Variants in FBXO45 observed in about 807,000 individuals in gnomAD.
FBXO45 encodes F-box/SPRY domain-containing protein 1.
FBXO45 carries 3 observed loss-of-function variants against 25.5 expected under a neutral mutation model. The ratio of observed to expected loss-of-function variants is 0.12; its 90% CI spans 0.05 to 0.30. The LOEUF (loss-of-function observed/expected upper bound fraction) is 0.30. FBXO45 is among the 10% of genes least tolerant of loss of function. The pLI is 1.00. For missense variants in FBXO45, 219 were observed against 365.0 expected, an observed-to-expected ratio of 0.60 and a Z score of 3.26; for synonymous variants, 155 against 149.8, an observed-to-expected ratio of 1.03 and a Z score of -0.25.
At chr3:196,582,437 G>C (rs1468861071) in intron 2 of FBXO45, among the ~76,000 whole-genome samples, 3 of 152,122 alleles carry the variant, frequency 2.0e-5, no homozygotes, top group Non-Finnish European at 4.4e-5. Context: ...TGGGCAAAGG[G>C]AGGAAAAAAG....
At position 196,585,468 on chromosome 3, in the gene FBXO45, A is replaced by G. The variant is rs557132058; in HGVS notation, c.*1150A>G. The stretch of plus-strand genomic sequence containing the variant: ...CTCAAACTCGTTATTGGGGCTATAA[A>G]GAAAACGTTTACTTACCCAGCTGAA... On this transcript the variant is annotated 3_prime_UTR_variant, in exon 3 of 3. Transcript: ENST00000311630. 2.6e-5 allele frequency: 4 copies of G among 152,348 alleles called. No homozygotes were observed. The South Asian group carries it at 6.2e-4, about 24-fold the overall frequency. The allele number at this position is 152,348 out of a possible 1,614,324, so 9.4% of individuals were successfully genotyped here. A position where few individuals can be genotyped will look rare whatever the true frequency, so the allele number is the denominator to read the frequency against.
intron 1 of FBXO45, among the ~76,000 whole-genome samples, chr3:196,574,122 A>G (rs890340760): frequency 9.2e-5 from 14 of 151,694 alleles, no homozygotes; most frequent in Admixed American, 6.6e-5. Context: ...TTTAGTAGAG[A>G]CAGGCTTTCA....
At chr3:196,579,947 C>G (rs146993786) in intron 2 of FBXO45, among the ~76,000 whole-genome samples, 1 of 152,170 alleles carries the variant, frequency 6.6e-6, no homozygotes, top group African/African-American at 2.4e-5. Context: ...AGCTCCTACA[C>G]AGCACATAGT....
Position 196,577,670 on chromosome 3 carries a change from C to T in FBXO45, c.536C>T (p.Pro179Leu). The change falls in exon 2 of 3, where the codon CCC becomes CTC. Residue 179 changes from proline to leucine, a missense_variant. Pro to Leu is a moderately conservative substitution (Grantham distance 98). Coordinates refer to ENST00000311630, the MANE Select transcript of FBXO45 (RefSeq NM_001105573.2). The stretch of plus-strand genomic sequence containing the variant: ...ATTGGAATTGCCACAAAACGGGCCC[C>T]CATGCAGTGCCAAGGTTATGTGGCA... The part of the protein sequence containing the change: ...AVIGIATKRA[P>L]MQCQGYVALL... 2 of 1,613,790 alleles carry T rather than the reference C, an allele frequency of 1.2e-6. No individual in the cohort carries two copies. The highest frequency in any genetic ancestry group is 1.7e-6 in the Non-Finnish European group (2 of 1,179,788).
chr3:196,585,611 G>A lies in FBXO45; in HGVS notation c.*1293G>A, dbSNP rs1044170767. On this transcript the variant is annotated 3_prime_UTR_variant, in exon 3 of 3. Coordinates refer to ENST00000311630, the MANE Select transcript of FBXO45 (RefSeq NM_001105573.2). ...TATTTGAAGGTTTCGTTGTAGAAGA[G>A]TTTAACATTAACTCCTATTTTGACT... 3 of 152,154 alleles carry A rather than the reference G, an allele frequency of 2.0e-5. No individual in the cohort carries two copies. The highest frequency in any genetic ancestry group is 4.8e-5 in the African/African-American group (2 of 41,426). 9.4% of individuals were successfully genotyped at this position (152,154 alleles called of 1,614,324 possible). A position where few individuals can be genotyped will look rare whatever the true frequency, so the allele number is the denominator to read the frequency against.
chr3:196,580,525 A>G (rs907542971), intron 2 of FBXO45, among the ~76,000 whole-genome samples: 2 of 151,914 alleles, frequency 1.3e-5, no homozygotes, highest in Non-Finnish European at 1.5e-5. Flanking sequence ...GGGTTTCTCC[A>G]TGTTGGTCAG....
chr3:196,569,309 G>A lies in FBXO45; in HGVS notation c.318+7G>A. Reference sequence around the variant, plus strand: ...GCCCAGCTACAAGGCCAAGGTGAGAGAGCCCCGGGCCACACCGCTGCCCCC... The same window carrying A: ...GCCCAGCTACAAGGCCAAGGTGAGAAAGCCCCGGGCCACACCGCTGCCCCC... On this transcript the variant is annotated splice_region_variant and intron_variant, in intron 1 of 2. Transcript: ENST00000311630. The surrounding 1 kb of genome is among the most constrained non-coding windows in gnomAD (Gnocchi z 4.1). 6.5e-7 allele frequency: 1 copy of A among 1,541,228 alleles called. No homozygotes were observed. The highest frequency in any genetic ancestry group is 8.8e-7 in the Non-Finnish European group (1 of 1,137,138).
At chr3:196,572,045 CTGAG>C (rs1735834187) in intron 1 of FBXO45, among the ~76,000 whole-genome samples, 1 of 152,092 alleles carries the variant, frequency 6.6e-6, no homozygotes, top group Admixed American at 6.6e-5. Flanking sequence ...AATTTACAAA[CTGAG>C]TGGAGGATTG....
chr3:196,577,172 T>C (rs1735927969), intron 1 of FBXO45, among the ~76,000 whole-genome samples: 1 of 152,214 alleles, frequency 6.6e-6, no homozygotes, highest in Non-Finnish European at 1.5e-5. Context: ...GATATAAGGA[T>C]TTTTCTTTTT....
intron 2 of FBXO45, among the ~76,000 whole-genome samples, chr3:196,580,750 T>C (rs1327065187): frequency 2.0e-5 from 3 of 152,206 alleles, no homozygotes; most frequent in Non-Finnish European, 4.4e-5. Context: ...TGTTTCTCTC[T>C]AATCTTTGCA....
At chr3:196,578,146 T>C (rs6799134) in intron 2 of FBXO45, among the ~76,000 whole-genome samples, 4,719 of 147,920 alleles carry the variant, frequency 0.032, 196 homozygotes, top group African/African-American at 0.1. Context: ...GTTCAAGCAA[T>C]TCTCTGCCTC....
intron 1 of FBXO45, among the ~76,000 whole-genome samples, chr3:196,571,746 C>T (rs1466533909): frequency 6.6e-6 from 1 of 152,160 alleles, no homozygotes. Flanking sequence ...TTGTATCCTT[C>T]CAGAGATATT....
chr3:196,577,343 A>T, intron 1 of FBXO45, 110 bp from the exon 2 acceptor site: 1 of 808,394 alleles, frequency 1.2e-6, no homozygotes, highest in Non-Finnish European at 1.9e-6. Flanking sequence ...GTGTTATTTT[A>T]AAATATATAA....
At chr3:196,574,146 G>A (rs575005672) in intron 1 of FBXO45, among the ~76,000 whole-genome samples, 27 of 152,148 alleles carry the variant, frequency 1.8e-4, no homozygotes, top group African/African-American at 6.5e-4. Flanking sequence ...TGTTGGCCAG[G>A]ACGGTCTCGA....
intron 2 of FBXO45, among the ~76,000 whole-genome samples, chr3:196,580,727 T>C (rs1287807495): frequency 6.6e-6 from 1 of 152,226 alleles, no homozygotes; most frequent in Non-Finnish European, 1.5e-5. Context: ...GTTCTTGTTT[T>C]TTCCCCCAAC....
chr3:196,571,127 TTGTCCTACTTTGATAAATG>T (rs1406130614), intron 1 of FBXO45, among the ~76,000 whole-genome samples: 1 of 152,262 alleles, frequency 6.6e-6, no homozygotes, highest in Non-Finnish European at 1.5e-5. Flanking sequence ...GATTGGAATT[TTGTCCTACTTTGATAAATG>T]TGTCGGTTTC....
chr3:196,583,035 A>G (rs1050198050), intron 2 of FBXO45, among the ~76,000 whole-genome samples: 3 of 151,626 alleles, frequency 2.0e-5, no homozygotes, highest in African/African-American at 7.3e-5. Flanking sequence ...TTCACTCCCC[A>G]CCCCTGGTAA....
Position 196,576,659 on chromosome 3 carries a change from TTGTA to T in FBXO45, c.319-792_319-789del, listed in dbSNP as rs561082159. On this transcript the variant is annotated intron_variant, in intron 1 of 2. Coordinates refer to ENST00000311630, the MANE Select transcript of FBXO45 (RefSeq NM_001105573.2). ...CTCTTTATTTTGGAAGTGTAAACCT[TTGTA>T]TTTACTGAAGAGTCAACTAACTTGT... Among the ~76,000 whole-genome samples the T allele has an allele frequency of 6.6e-5, 10 of 152,366 alleles. 1 individual carries two copies. The highest frequency in any genetic ancestry group is 2.4e-4 in the African/African-American group (10 of 41,596).
At position 196,569,233 on chromosome 3, in the gene FBXO45, C is replaced by A; in HGVS notation, c.249C>A (p.Cys83Ter). ...ACAGCGAGGTGTGGCGGAGCCTGTG[C>A]GCCCGCAGCCTGGCAGAAGAGGCTC... ...DENSEVWRSL[C>*]ARSLAEEALR... The change falls in exon 1 of 3, where the codon TGC (cysteine) becomes TGA (stop). Residue 83 changes from cysteine (C) to a stop codon, truncating the protein, a stop_gained. Coordinates refer to ENST00000311630, the MANE Select transcript of FBXO45 (RefSeq NM_001105573.2). LOFTEE classifies it high-confidence loss of function. This position sits in a 1 kb window ranked among gnomAD's most constrained non-coding sequence, Gnocchi z 4.1. 1 of 1,581,396 alleles carries A rather than the reference C, an allele frequency of 6.3e-7. No individual in the cohort carries two copies. The highest frequency in any genetic ancestry group is 8.6e-7 in the Non-Finnish European group (1 of 1,164,482).
Sources: allele counts gnomAD v4.1 joint callset (sites outside exome capture counted in the v4.1 genomes callset), GRCh38; gene constraint gnomAD v4.1.1; non-coding constraint Gnocchi (gnomAD v3.1); transcripts MANE v1.5; gene names NCBI Gene and HGNC (gene_info 2026-07-23, HGNC 2026-07-21).